KLKB1: variants seen among roughly 807,000 people sequenced by gnomAD.
The protein encoded by KLKB1 is kallikrein B1.
Under a neutral mutation model 73.6 loss-of-function variants are expected in KLKB1, and 58 were observed. The ratio of observed to expected loss-of-function variants is 0.79; its 90% CI spans 0.64 to 0.98. The LOEUF (loss-of-function observed/expected upper bound fraction) is 0.98, where lower values mean the gene tolerates loss of function less well. Among genes scored for constraint, KLKB1 ranks in the 50% least tolerant of loss-of-function variants. The pLI is 0.00. For missense variants in KLKB1, 737 were observed against 763.8 expected, an observed-to-expected ratio of 0.96 and a Z score of 0.41; for synonymous variants, 280 against 258.1, an observed-to-expected ratio of 1.08 and a Z score of -0.81.
chr4:186,229,732 A>T (rs1317219190), intron 2 of KLKB1, among the ~76,000 whole-genome samples: 2 of 152,170 alleles, frequency 1.3e-5, no homozygotes, highest in African/African-American at 4.8e-5. Context: ...GTTGCTTTGC[A>T]TCCTGACATA....
rs1472121488 is a variant in KLKB1, at chr4:186,251,755, G to A, written c.1038G>A (p.Lys346=). The A allele has an allele frequency of 6.2e-7, 1 of 1,612,784 alleles. No individual in the cohort carries two copies. Among genetic ancestry groups the A allele is most frequent in the South Asian group, 1.1e-5 (1 of 91,056 alleles). Residue 346 remains lysine, a synonymous_variant, in exon 10 of 15, where the codon AAG becomes AAA. Coordinates refer to ENST00000264690, the MANE Select transcript of KLKB1 (RefSeq NM_000892.5). The part of the protein sequence containing the change: ...LPEDCKEEKC[K]CFLRLSMDGS... ...TACTGTTCATTTCATCTAGGTGTAAGTGTTTCTTAAGATTATCTATGGATG... is the reference window on the plus strand; with the variant it reads ...TACTGTTCATTTCATCTAGGTGTAAATGTTTCTTAAGATTATCTATGGATG...
chr4:186,224,752 TG>T (rs989045955), upstream of KLKB1, among the ~76,000 whole-genome samples: 2 of 152,122 alleles, frequency 1.3e-5, no homozygotes, highest in Admixed American at 6.5e-5. Flanking sequence ...GTTAAGACTT[TG>T]GGGGACTGTT....
Position 186,251,552 on chromosome 4 carries a change from G to A in KLKB1, c.934G>A (p.Val312Ile). The A allele has an allele frequency of 1.2e-6, 2 of 1,614,016 alleles. No individual in the cohort carries two copies. The highest frequency in any genetic ancestry group is 1.7e-6 in the Non-Finnish European group (2 of 1,179,886). Residue 312 changes from valine to isoleucine, a missense_variant, in exon 9 of 15, where the codon GTT becomes ATT. Physicochemically the swap from Val to Ile is conservative, Grantham distance 29. Transcript: ENST00000264690. ...FGGEELNVTFVKGVNVCQETC... is the reference protein window; with the variant it reads ...FGGEELNVTFIKGVNVCQETC... ...AGGAGAAGAATTGAATGTGACTTTT[G>A]TTAAAGGAGTGAATGTTTGCCAAGA...
At chr4:186,219,835 T>C (rs183090330) in intron 2 of KLKB1, among the ~76,000 whole-genome samples, 2 of 152,258 alleles carry the variant, frequency 1.3e-5, no homozygotes, top group African/African-American at 4.8e-5. Context: ...TCACAGGGCA[T>C]GGTAATACTA....
chr4:186,236,753 A>G (rs374345431), intron 4 of KLKB1, 28 bp from the exon 5 acceptor site: 1 of 1,611,712 alleles, frequency 6.2e-7, no homozygotes, highest in Non-Finnish European at 8.5e-7. Context: ...AATGGACTGT[A>G]TTTGCTCTAT....
intron 6 of KLKB1, among the ~76,000 whole-genome samples, chr4:186,243,928 G>A (rs1738190314): frequency 6.6e-6 from 1 of 152,146 alleles, no homozygotes; most frequent in Non-Finnish European, 1.5e-5. Context: ...ATCAGGGTAA[G>A]GAACAGGAAA....
intron 2 of KLKB1, among the ~76,000 whole-genome samples, chr4:186,221,136 G>T (rs182015485): frequency 2.0e-5 from 3 of 151,720 alleles, no homozygotes; most frequent in African/African-American, 7.3e-5. Context: ...TATTTCTGTG[G>T]TATCCATTGT....
In KLKB1 at chr4:186,258,189, G is replaced by A. The variant is rs370171736; in HGVS notation, c.1894G>A (p.Ala632Thr). The A allele has an allele frequency of 1.7e-5, 27 of 1,614,122 alleles. No homozygotes were observed. The highest frequency in any genetic ancestry group is 2.3e-5 in the Non-Finnish European group (27 of 1,180,022). The change falls in exon 15 of 15, where the codon GCT becomes ACT. Residue 632 changes from alanine to threonine, a missense_variant. Ala to Thr is a moderately conservative substitution (Grantham distance 58, BLOSUM62 0). Transcript: ENST00000264690. ...LEKTQSSDGK[A>T]QMQSPA ...GAAAACACAGAGCAGTGATGGAAAA[G>A]CTCAGATGCAGTCACCAGCATGAGA...
Position 186,238,264 on chromosome 4 carries a change from G to GT in KLKB1, c.497_498insT (p.Leu167ProfsTer18). ...CTTTTCTTCCCATTCAGGAACAATT[G>GT]CCTATTAAAGTACAGTCCCGGAGGA... On this transcript the variant is annotated frameshift_variant, in exon 6 of 15. Coordinates refer to ENST00000264690, the MANE Select transcript of KLKB1 (RefSeq NM_000892.5). LOFTEE classifies it high-confidence loss of function. The GT allele has an allele frequency of 6.2e-7, 1 of 1,609,564 alleles. No individual in the cohort carries two copies. Among genetic ancestry groups the GT allele is most frequent in the Non-Finnish European group, 8.5e-7 (1 of 1,175,928 alleles).
At chr4:186,237,261 G>C (rs1472375678) in intron 5 of KLKB1, among the ~76,000 whole-genome samples, 1 of 151,966 alleles carries the variant, frequency 6.6e-6, no homozygotes, top group Non-Finnish European at 1.5e-5. Flanking sequence ...ACCATGCCTG[G>C]CTAATTTTTG....
At chr4:186,247,500 G>A (rs967647854) in intron 6 of KLKB1, among the ~76,000 whole-genome samples, 16 of 152,114 alleles carry the variant, frequency 1.1e-4, no homozygotes, top group Admixed American at 2.6e-4. Flanking sequence ...GGCAGGAACC[G>A]GCCATTTTCA....
chr4:186,242,123 A>G (rs1738084047), intron 6 of KLKB1, among the ~76,000 whole-genome samples: 1 of 147,518 alleles, frequency 6.8e-6, no homozygotes, highest in African/African-American at 2.5e-5. Flanking sequence ...ATTACAGTCA[A>G]AGGGGGTTGT....
At chr4:186,224,027 T>A (rs1261317789), upstream of KLKB1, among the ~76,000 whole-genome samples, 1 of 152,254 alleles carries the variant, frequency 6.6e-6, no homozygotes, top group African/African-American at 2.4e-5. Flanking sequence ...AAAGGGTCCA[T>A]AGCTCAGGCT....
intron 2 of KLKB1, among the ~76,000 whole-genome samples, chr4:186,219,158 G>T (rs1200153032): frequency 6.6e-6 from 1 of 152,016 alleles, no homozygotes; most frequent in African/African-American, 2.4e-5. Context: ...CCAGATTGAG[G>T]GTGGGTCTGC....
intron 2 of KLKB1, among the ~76,000 whole-genome samples, chr4:186,218,820 T>A (rs2126612718): frequency 6.6e-6 from 1 of 152,278 alleles, no homozygotes; most frequent in South Asian, 2.1e-4. Flanking sequence ...TTAAAGAGTA[T>A]TGACTCACAC....
At chr4:186,225,423 CT>C (rs35336018), upstream of KLKB1, among the ~76,000 whole-genome samples, 73,586 of 106,590 alleles carry the variant, frequency 0.69, 24,882 homozygotes, top group East Asian at 0.82. Context: ...GTGAGGATTT[CT>C]TTTTTTTTTT....
chr4:186,214,250 C>T (rs925415369), intron 2 of KLKB1, among the ~76,000 whole-genome samples: 4 of 152,206 alleles, frequency 2.6e-5, no homozygotes, highest in African/African-American at 9.6e-5. Context: ...TCCCACATGG[C>T]AGGTGATGCT....
At chr4:186,221,884 T>C (rs1737039744), upstream of KLKB1, among the ~76,000 whole-genome samples, 1 of 152,226 alleles carries the variant, frequency 6.6e-6, no homozygotes, top group African/African-American at 2.4e-5. Flanking sequence ...TGAAAGCATG[T>C]TGCTATTTAT....
chr4:186,232,153 G>A lies in KLKB1; in HGVS notation c.85G>A (p.Ala29Thr), dbSNP rs751039368. The change falls in exon 3 of 15, where the codon GCC becomes ACC. Residue 29 changes from alanine (A) to threonine (T), a missense_variant. Ala to Thr is a moderately conservative substitution (Grantham distance 58). Coordinates refer to ENST00000264690, the MANE Select transcript of KLKB1 (RefSeq NM_000892.5). The part of the protein sequence containing the change: ...CGCLTQLYEN[A>T]FFRGGDVASM... ...ATGTCTGACTCAACTCTATGAAAAC[G>A]CCTTCTTCAGAGGTGGGGATGTAGC... The A allele has an allele frequency of 2.0e-5, 33 of 1,612,776 alleles. No homozygotes were observed. The highest frequency in any genetic ancestry group is 3.3e-5 in the Admixed American group (2 of 59,934).
Sources: gnomAD v4.1 joint callset for allele counts (sites outside exome capture counted in the v4.1 genomes callset) on GRCh38, gnomAD v4.1.1 for gene constraint, MANE v1.5 for transcripts, NCBI Gene and HGNC (gene_info 2026-07-23, HGNC 2026-07-21) for gene names.